Variants in ATP8B4 observed in about 807,000 individuals in gnomAD.
The protein encoded by ATP8B4 is ATPase phospholipid transporting 8B4 (putative).
In ATP8B4, 133 loss-of-function variants were observed where a neutral mutation model predicts 145.6. That is an observed-to-expected ratio of 0.91 (90% CI 0.79 to 1.05). ATP8B4 has a LOEUF of 1.05. Ranked by LOEUF, ATP8B4 falls within the 50% of genes least tolerant of loss-of-function variation. ATP8B4 has a pLI of 0.00. For synonymous variants in ATP8B4, 507 were observed against 492.9 expected, an observed-to-expected ratio of 1.03 and a Z score of -0.38; for missense variants, 1,458 against 1,425.2, an observed-to-expected ratio of 1.02 and a Z score of -0.37.
At chr15:50,093,802 T>C (rs1212342233) in intron 2 of ATP8B4, among the ~76,000 whole-genome samples, 1 of 152,088 alleles carries the variant, frequency 6.6e-6, no homozygotes, top group African/African-American at 2.4e-5. Context: ...TGAAAATATA[T>C]AACATGCAAC....
intron 3 of ATP8B4, among the ~76,000 whole-genome samples, chr15:50,061,432 A>G (rs2053012884): frequency 6.6e-6 from 1 of 152,220 alleles, no homozygotes; most frequent in Non-Finnish European, 1.5e-5. Context: ...CACAGGCAAT[A>G]GCATATAGGC....
chr15:50,160,387 G>T (rs2044498802), intron 1 of ATP8B4, among the ~76,000 whole-genome samples: 1 of 149,832 alleles, frequency 6.7e-6, no homozygotes, highest in African/African-American at 2.5e-5. Context: ...ATTTATTTTT[G>T]GTCTGATCTT....
chr15:50,077,759 C>G (rs902148429), intron 2 of ATP8B4, among the ~76,000 whole-genome samples: 1 of 152,160 alleles, frequency 6.6e-6, no homozygotes, highest in Non-Finnish European at 1.5e-5. Context: ...GCAGACAACA[C>G]GTCAGGGAAG....
At chr15:49,860,799 T>A (rs2031547689) in intron 27 of ATP8B4, among the ~76,000 whole-genome samples, 1 of 152,200 alleles carries the variant, frequency 6.6e-6, no homozygotes, top group African/African-American at 2.4e-5. Flanking sequence ...AAAGTCAGCA[T>A]AATAATTTAT....
At chr15:50,110,800 A>C (rs1171741588) in intron 1 of ATP8B4, among the ~76,000 whole-genome samples, 1 of 152,228 alleles carries the variant, frequency 6.6e-6, no homozygotes, top group Non-Finnish European at 1.5e-5. Context: ...GAAGTGTGAG[A>C]AAGTAGAGAG....
intron 1 of ATP8B4, among the ~76,000 whole-genome samples, chr15:50,160,015 C>CTTT (rs35773416): frequency 0.13 from 2,670 of 20,082 alleles, 622 homozygotes; most frequent in Non-Finnish European, 0.16. Flanking sequence ...CAGGTCCTGG[C>CTTT]TTTTTTTTTT....
intron 2 of ATP8B4, among the ~76,000 whole-genome samples, chr15:50,089,190 G>A (rs147166872): frequency 1.1e-4 from 17 of 152,210 alleles, no homozygotes; most frequent in Admixed American, 5.9e-4. Flanking sequence ...AGAAAATCTA[G>A]GCAGTACCAT....
At chr15:50,023,779 C>CAAAAAAAAAAAAAAA (rs60030651) in intron 6 of ATP8B4, among the ~76,000 whole-genome samples, 7 of 75,030 alleles carry the variant, frequency 9.3e-5, no homozygotes, top group East Asian at 3.9e-4. Context: ...AGACCAAAGG[C>CAAAAAAAAAAAAAAA]AAAAAAAAAA....
At chr15:50,172,488 C>T (rs1282131770) in intron 1 of ATP8B4, among the ~76,000 whole-genome samples, 2 of 152,336 alleles carry the variant, frequency 1.3e-5, no homozygotes, top group East Asian at 3.9e-4. Context: ...GATCTCGGCT[C>T]GCTACAACCT....
At chr15:49,950,280 G>C (rs1432808161) in intron 14 of ATP8B4, among the ~76,000 whole-genome samples, 1 of 152,016 alleles carries the variant, frequency 6.6e-6, no homozygotes, top group Non-Finnish European at 1.5e-5. Context: ...CTGTGAATCT[G>C]TCTGGTCCTG....
At chr15:49,904,157 T>C (rs1273232510) in intron 20 of ATP8B4, among the ~76,000 whole-genome samples, 1 of 152,138 alleles carries the variant, frequency 6.6e-6, no homozygotes, top group African/African-American at 2.4e-5. Flanking sequence ...ACCAAGCTGG[T>C]TTACACATAG....
chr15:49,920,529 G>A (rs2040163967), intron 17 of ATP8B4, 119 bp from the exon 18 acceptor site: 2 of 1,126,090 alleles, frequency 1.8e-6, no homozygotes, highest in Non-Finnish European at 2.5e-6. Context: ...CAAGAGCACT[G>A]CTTGGCTATC....
chr15:49,896,496 C>A (rs1442650874), intron 23 of ATP8B4: 2 of 151,942 alleles, frequency 1.3e-5, no homozygotes, highest in African/African-American at 2.4e-5. Context: ...TTGATTAAAC[C>A]CAAAGAAGGG....
chr15:50,045,791 C>A (rs1339188110), intron 4 of ATP8B4, among the ~76,000 whole-genome samples: 2 of 152,220 alleles, frequency 1.3e-5, no homozygotes, highest in South Asian at 2.1e-4. Flanking sequence ...AAGTTCCCTT[C>A]TAAATATAAA....
chr15:49,937,634 C>T (rs1813085527), intron 14 of ATP8B4, among the ~76,000 whole-genome samples: 1 of 152,104 alleles, frequency 6.6e-6, no homozygotes, highest in African/African-American at 2.4e-5. Context: ...GGATCTTAGA[C>T]TATCTATGGT....
chr15:50,095,380 CTG>C (rs2055906536), intron 2 of ATP8B4, among the ~76,000 whole-genome samples: 1 of 152,142 alleles, frequency 6.6e-6, no homozygotes, highest in South Asian at 2.1e-4. Context: ...AATAAATACT[CTG>C]TTATTCCAAA....
At chr15:49,967,002 A>G (rs2044612557) in intron 13 of ATP8B4, among the ~76,000 whole-genome samples, 1 of 152,124 alleles carries the variant, frequency 6.6e-6, no homozygotes. Context: ...CCTCCAGCAA[A>G]CTCCAGCAGA....
intron 20 of ATP8B4, among the ~76,000 whole-genome samples, chr15:49,913,602 A>G (rs534403289): frequency 6.6e-6 from 1 of 152,326 alleles, no homozygotes; most frequent in South Asian, 2.1e-4. Flanking sequence ...AAGCAACATG[A>G]TCTTACATTC....
intron 12 of ATP8B4, among the ~76,000 whole-genome samples, chr15:49,975,352 G>C (rs1338971749): frequency 1.3e-5 from 2 of 152,012 alleles, no homozygotes; most frequent in East Asian, 3.8e-4. Flanking sequence ...GAATCTGTGG[G>C]GGATCCCTTA....
Sources: gnomAD v4.1 joint callset for allele counts (sites outside exome capture counted in the v4.1 genomes callset) on GRCh38, gnomAD v4.1.1 for gene constraint, MANE v1.5 for transcripts, NCBI Gene and HGNC (gene_info 2026-07-23, HGNC 2026-07-21) for gene names.